The following GNAS-AS1 variants were observed in gnomAD, a reference collection of about 807,000 sequenced individuals.
The protein encoded by GNAS-AS1 is GNAS antisense RNA 1 (non-protein coding).
At chr20:58,846,369 T>A (rs762929596) in intron 2 of GNAS-AS1, among the ~76,000 whole-genome samples, 4 of 152,168 alleles carry the variant, frequency 2.6e-5, no homozygotes, top group Admixed American at 1.3e-4. Context: ...AAGCCAAATA[T>A]GGCATTGGAG....
intron 4 of GNAS-AS1, among the ~76,000 whole-genome samples, chr20:58,819,408 G>A (rs1179477409): frequency 1.3e-5 from 2 of 152,226 alleles, no homozygotes; most frequent in Non-Finnish European, 2.9e-5. Context: ...CGGCCAGAAC[G>A]GCCATCAGTG....
intron 4 of GNAS-AS1, among the ~76,000 whole-genome samples, chr20:58,835,510 C>T (rs2145461302): frequency 6.6e-6 from 1 of 152,290 alleles, no homozygotes; most frequent in Middle Eastern, 3.4e-3. Context: ...AAAAGAAAAT[C>T]TCAGAGTCAG....
chr20:58,831,442 C>T lies in GNAS-AS1; in HGVS notation n.819+10495G>A, dbSNP rs765383106. Among the ~76,000 whole-genome samples the T allele has an allele frequency of 1.6e-3, 243 of 152,142 alleles. 2 individuals carry two copies. Among genetic ancestry groups the T allele is most frequent in the Non-Finnish European group, 3.3e-3 (222 of 68,008 alleles). ...CTGTAATCCCAGAACTTTGGGAGGC[C>T]GAGGCGGGCAGATCACGAGATCAGG... On this transcript the variant is annotated intron_variant and non_coding_transcript_variant, in intron 4 of 4. Coordinates refer to ENST00000424094, the Ensembl canonical transcript of GNAS-AS1.
At chr20:58,826,520 C>G (rs1012429413) in intron 4 of GNAS-AS1, among the ~76,000 whole-genome samples, 3 of 152,128 alleles carry the variant, frequency 2.0e-5, no homozygotes, top group Non-Finnish European at 2.9e-5. Flanking sequence ...GGCTGGAGAG[C>G]ATTCTTTAAA....
chr20:58,846,607 C>T (rs1268692225), intron 2 of GNAS-AS1, among the ~76,000 whole-genome samples: 1 of 152,148 alleles, frequency 6.6e-6, no homozygotes, highest in African/African-American at 2.4e-5. Context: ...TTCAAGGTCC[C>T]CACTCTCAAA....
At chr20:58,819,829 C>T (rs184537826) in intron 4 of GNAS-AS1, among the ~76,000 whole-genome samples, 1 of 152,320 alleles carries the variant, frequency 6.6e-6, no homozygotes, top group East Asian at 1.9e-4. Flanking sequence ...TGGTCCCAAC[C>T]TTTGTCACGG....
intron 4 of GNAS-AS1, among the ~76,000 whole-genome samples, chr20:58,819,799 C>A (rs2085473315): frequency 6.6e-6 from 1 of 152,196 alleles, no homozygotes; most frequent in Non-Finnish European, 1.5e-5. Flanking sequence ...AACAATAGAG[C>A]AGGCAAACCC....
intron 4 of GNAS-AS1, chr20:58,838,743 C>G (rs953775082): frequency 2.9e-6 from 1 of 340,964 alleles, no homozygotes; most frequent in African/African-American, 2.1e-5. Context: ...TATGGCGAAA[C>G]CCCTCTCTAC....
intron 2 of GNAS-AS1, among the ~76,000 whole-genome samples, chr20:58,846,638 C>CA (rs2085949848): frequency 6.6e-6 from 1 of 152,232 alleles, no homozygotes; most frequent in Non-Finnish European, 1.5e-5. Flanking sequence ...CCAAGGGGCA[C>CA]AGGCCAAAGA....
In GNAS-AS1 at chr20:58,841,679, T is replaced by G. The variant is rs1042651181; in HGVS notation, n.819+258A>C. 9.4e-6 allele frequency: 11 copies of G among 1,166,022 alleles called. No individual in the cohort carries two copies. Among genetic ancestry groups the G allele is most frequent in the Admixed American group, 4.7e-5 (1 of 21,466 alleles). The allele number at this position is 1,166,022 out of a possible 1,614,324, so 72.2% of individuals were successfully genotyped here. A position where few individuals can be genotyped will look rare whatever the true frequency, so the allele number is the denominator to read the frequency against. On this transcript the variant is annotated intron_variant and non_coding_transcript_variant, in intron 4 of 4. Transcript: ENST00000424094. The surrounding 1 kb of genome is among the most constrained non-coding windows in gnomAD (Gnocchi z 5.0). ...TAGGGGAAAGTACCTGGGGGAAAGG[T>G]AGAGGAGGTAAGGGGACCCTTGGGG...
chr20:58,833,100 A>G (rs2085578174), intron 4 of GNAS-AS1, among the ~76,000 whole-genome samples: 1 of 152,232 alleles, frequency 6.6e-6, no homozygotes, highest in African/African-American at 2.4e-5. Flanking sequence ...CCCTAAATAC[A>G]CAGATTATTG....
chr20:58,839,733 G>C (rs1199486344), intron 4 of GNAS-AS1: 1 of 495,182 alleles, frequency 2.0e-6, no homozygotes, highest in East Asian at 3.1e-5. Context: ...CTCACTGCCC[G>C]TCCCTCCTCG....
chr20:58,833,119 C>T (rs766163975), intron 4 of GNAS-AS1, among the ~76,000 whole-genome samples: 2 of 152,232 alleles, frequency 1.3e-5, no homozygotes, highest in Non-Finnish European at 2.9e-5. Context: ...TGCTTAAAGG[C>T]GAGGATCTCC....
At chr20:58,845,475 C>T (rs1465888995) in intron 2 of GNAS-AS1, among the ~76,000 whole-genome samples, 4 of 152,204 alleles carry the variant, frequency 2.6e-5, no homozygotes, top group Admixed American at 6.5e-5. Context: ...GTTTGCGCAC[C>T]GCATCCCCCA....
In GNAS-AS1 at chr20:58,840,111, A is replaced by AAT. The variant is rs767440362; in HGVS notation, n.819+1825_819+1826insAT. The AAT allele has an allele frequency of 3.7e-6, 6 of 1,610,792 alleles. No individual in the cohort carries two copies. The Admixed American group carries it at 1.0e-4, about 27-fold the overall frequency. On this transcript the variant is annotated intron_variant and non_coding_transcript_variant, in intron 4 of 4. Coordinates refer to ENST00000424094, the Ensembl canonical transcript of GNAS-AS1. This position sits in a 1 kb window ranked among gnomAD's most constrained non-coding sequence, Gnocchi z 6.0. Reference sequence around the variant, plus strand: ...TCTCGGTGTGTGCCTAAGAGGATGGATCGGAGGTCCCGGGCTCAGCAGTGG... The same window carrying AAT: ...TCTCGGTGTGTGCCTAAGAGGATGGAATTCGGAGGTCCCGGGCTCAGCAGTGG...
chr20:58,824,080 G>T (rs982055484), intron 4 of GNAS-AS1: 1 of 398,654 alleles, frequency 2.5e-6, no homozygotes, highest in African/African-American at 2.1e-5. Context: ...TATCCTAAAA[G>T]AACCCATGAA....
In GNAS-AS1 at chr20:58,840,937, C is replaced by T. The variant is rs2085694235; in HGVS notation, n.819+1000G>A. On this transcript the variant is annotated intron_variant and non_coding_transcript_variant, in intron 4 of 4. Coordinates refer to ENST00000424094, the Ensembl canonical transcript of GNAS-AS1. This position sits in a 1 kb window ranked among gnomAD's most constrained non-coding sequence, Gnocchi z 6.0. The stretch of plus-strand genomic sequence containing the variant: ...GAGCCTGAGGGCGGTGTGGGAGCAG[C>T]GCAGGTGGAAAGGAGGTGAGAAGGA... 6.3e-7 allele frequency: 1 copy of T among 1,594,634 alleles called. No homozygotes were observed. The highest frequency in any genetic ancestry group is 8.6e-7 in the Non-Finnish European group (1 of 1,167,830).
At chr20:58,819,725 C>G (rs370670402) in intron 4 of GNAS-AS1, among the ~76,000 whole-genome samples, 86 of 152,256 alleles carry the variant, frequency 5.6e-4, no homozygotes, top group South Asian at 4.2e-3. Flanking sequence ...TCCTGTAGGG[C>G]CGGGGCAAGG....
rs1047887386 is a variant in GNAS-AS1, at chr20:58,822,540, T to C, written n.820-3285A>G. ...ACCTAAACGTTGGCGGTCATCATCA[T>C]TCATCCTTAAAAGAACTCCTGTGTG... On this transcript the variant is annotated intron_variant and non_coding_transcript_variant, in intron 4 of 4. Coordinates refer to ENST00000424094, the Ensembl canonical transcript of GNAS-AS1. Among the ~76,000 whole-genome samples the C allele has an allele frequency of 4.6e-5, 7 of 152,354 alleles. No homozygotes were observed. In the East Asian group the frequency reaches 1.4e-3, roughly 29 times the overall value.
Sources: gnomAD v4.1 joint callset for allele counts (sites outside exome capture counted in the v4.1 genomes callset) on GRCh38, gnomAD v4.1.1 for gene constraint, Gnocchi (gnomAD v3.1) non-coding constraint, MANE v1.5 for transcripts, NCBI Gene and HGNC (gene_info 2026-07-23, HGNC 2026-07-21) for gene names.